The following USP42 variants were observed in gnomAD, a reference collection of about 807,000 sequenced individuals.
USP42 encodes the protein ubiquitin carboxyl-terminal hydrolase 42.
In USP42, 23 loss-of-function variants were observed where a neutral mutation model predicts 113.0. That is an observed-to-expected ratio of 0.20 (90% CI 0.15 to 0.29). The LOEUF is 0.29. USP42 is among the 10% of genes least tolerant of loss of function. The probability of loss-of-function intolerance (pLI) is 1.00; values close to 1 mark genes in which losing one functional copy is unlikely to be tolerated. For synonymous variants in USP42, 933 were observed against 699.0 expected (o/e 1.33, Z -5.28); for missense variants, 2,174 against 1,779.8 (o/e 1.22, Z -3.99).
At chr7:6,084,550 C>A in the USP42 span, 1 of 151,264 alleles carries the variant, frequency 6.6e-6, no homozygotes, top group Non-Finnish European at 1.5e-5. Context: ...GCTGAGTTAG[C>A]CACTAGGCAC....
the USP42 span, among the ~76,000 whole-genome samples, chr7:6,086,400 T>C: frequency 2.0e-5 from 3 of 150,532 alleles, no homozygotes; most frequent in Non-Finnish European, 2.9e-5. Flanking sequence ...AGAGATAGGA[T>C]TTCACCGTGT....
the USP42 span, among the ~76,000 whole-genome samples, chr7:6,096,565 C>A: frequency 6.6e-6 from 1 of 151,274 alleles, no homozygotes; most frequent in East Asian, 1.9e-4. Flanking sequence ...CTGTCAGGAG[C>A]TGGTTTAAAC....
intron 12 of USP42, 109 bp from the exon 13 acceptor site, chr7:6,149,474 C>A: frequency 7.8e-7 from 1 of 1,285,864 alleles, no homozygotes; most frequent in Non-Finnish European, 1.0e-6. Flanking sequence ...ACTTGTTAGT[C>A]CTGAAAAAAA....
At chr7:6,105,386 C>CCGGG (rs1779212695) in intron 1 of USP42, among the ~76,000 whole-genome samples, 2 of 149,308 alleles carry the variant, frequency 1.3e-5, no homozygotes, top group Non-Finnish European at 1.5e-5. Context: ...GGCCTGGGGG[C>CCGGG]CGGGCAGGCA....
chr7:6,108,466 C>G (rs1156985535), intron 1 of USP42, among the ~76,000 whole-genome samples: 2 of 152,054 alleles, frequency 1.3e-5, no homozygotes, highest in African/African-American at 2.4e-5. Flanking sequence ...ATGGGTAGTA[C>G]TTTTTTGTAC....
chr7:6,126,089 T>A (rs1353549885), intron 3 of USP42, among the ~76,000 whole-genome samples: 1 of 152,196 alleles, frequency 6.6e-6, no homozygotes, highest in South Asian at 2.1e-4. Context: ...GCCTTCCCCT[T>A]AACCTCTGGT....
In USP42 at chr7:6,139,835, G is replaced by A. The variant is rs933791520; in HGVS notation, c.657-293G>A. 26 of 472,210 alleles carry A rather than the reference G, an allele frequency of 5.5e-5. No individual in the cohort carries two copies. The highest frequency in any genetic ancestry group is 2.4e-4 in the African/African-American group (12 of 50,522). The allele number at this position is 472,210 out of a possible 1,614,324, so 29.3% of individuals were successfully genotyped here. A position where few individuals can be genotyped will look rare whatever the true frequency, so the allele number is the denominator to read the frequency against. ...TCCTCCCACACAGGCCGCAGTGCCC[G>A]GAGGCTGCCATCTTCCTGCTTCAGG... On this transcript the variant is annotated intron_variant, in intron 5 of 17. Transcript: ENST00000306177. The surrounding 1 kb of genome is among the most constrained non-coding windows in gnomAD (Gnocchi z 4.5).
upstream of USP42, among the ~76,000 whole-genome samples, chr7:6,100,522 G>T (rs956471643): frequency 2.0e-5 from 3 of 150,412 alleles, no homozygotes; most frequent in Non-Finnish European, 4.4e-5. Flanking sequence ...TAGAGACGGG[G>T]TTTCACCATG....
chr7:6,121,492 G>GT (rs1221269115), intron 3 of USP42, among the ~76,000 whole-genome samples: 6 of 151,900 alleles, frequency 3.9e-5, no homozygotes, highest in Non-Finnish European at 8.8e-5. Flanking sequence ...TGGCATTAGG[G>GT]TAATGTTGGC....
At chr7:6,127,565 G>C (rs1780606756) in intron 3 of USP42, among the ~76,000 whole-genome samples, 1 of 151,280 alleles carries the variant, frequency 6.6e-6, no homozygotes, top group Non-Finnish European at 1.5e-5. Context: ...TTGTATCTTT[G>C]TAATTAAAAA....
intron 3 of USP42, among the ~76,000 whole-genome samples, chr7:6,131,404 G>A (rs2128495275): frequency 1.3e-5 from 2 of 152,154 alleles, no homozygotes; most frequent in East Asian, 3.9e-4. Context: ...GCCTTGGGAG[G>A]TAGAGGCTGC....
chr7:6,155,967 C>T (rs1050762851), intron 15 of USP42, among the ~76,000 whole-genome samples: 3 of 152,260 alleles, frequency 2.0e-5, no homozygotes, highest in South Asian at 2.1e-4. Context: ...ATGCCGCGCA[C>T]GCTGTTCTCA....
rs1782301899 is a variant in USP42 at position 6,154,566 on chromosome 7, C to G, written c.3012C>G (p.Asp1004Glu). 6.4e-7 allele frequency: 1 copy of G among 1,555,920 alleles called. No individual in the cohort carries two copies. Among genetic ancestry groups the G allele is most frequent in the African/African-American group, 1.4e-5 (1 of 73,308 alleles). The change falls in exon 15 of 18, where the codon GAC becomes GAG. Residue 1004 changes from aspartate (D) to glutamate (E), a missense_variant. Asp to Glu is a conservative substitution (Grantham distance 45, BLOSUM62 2). Transcript: ENST00000306177. The part of the protein sequence containing the change: ...HAPEHHPGHG[D>E]RLSPGERRSL... ...CGGAGCACCACCCCGGCCACGGCGA[C>G]AGGCTCAGCCCTGGCGAGCGCCGCT...
upstream of USP42, among the ~76,000 whole-genome samples, chr7:6,100,004 C>CTATTATTATTATTATTATTAT (rs1554332997): frequency 8.3e-4 from 120 of 144,328 alleles, 5 homozygotes; most frequent in African/African-American, 3.0e-3. Context: ...TTTCACAAGT[C>CTATTATTATTATTATTATTAT]TATTATTATT....
At chr7:6,150,791 C>CT (rs1781998734) in intron 14 of USP42, among the ~76,000 whole-genome samples, 1 of 152,206 alleles carries the variant, frequency 6.6e-6, no homozygotes, top group Middle Eastern at 3.2e-3. Flanking sequence ...GGCACGCCTT[C>CT]AAGTGCCATC....
At chr7:6,114,779 C>T (rs1337154263) in intron 2 of USP42, among the ~76,000 whole-genome samples, 3 of 144,034 alleles carry the variant, frequency 2.1e-5, no homozygotes, top group Non-Finnish European at 4.5e-5. Flanking sequence ...CAAGCTCTGC[C>T]TCCCGGGTTC....
chr7:6,136,924 C>T (rs981240306), intron 4 of USP42, among the ~76,000 whole-genome samples: 4 of 151,630 alleles, frequency 2.6e-5, no homozygotes, highest in Non-Finnish European at 5.9e-5. Context: ...CAGATGTGCA[C>T]CACTATGCCC....
intron 1 of USP42, among the ~76,000 whole-genome samples, chr7:6,105,494 C>T (rs1194763617): frequency 4.8e-5 from 7 of 145,652 alleles, no homozygotes; most frequent in Admixed American, 2.8e-4. Context: ...GTGGCTGCCA[C>T]CTCCCGCCCC....
At chr7:6,155,554 TCTTA>T (rs553715615) in intron 15 of USP42, among the ~76,000 whole-genome samples, 278 of 152,298 alleles carry the variant, frequency 1.8e-3, no homozygotes, top group African/African-American at 6.4e-3. Context: ...GTGTTAATAT[TCTTA>T]CTTGTCAGAT....
Sources: allele counts gnomAD v4.1 joint callset (sites outside exome capture counted in the v4.1 genomes callset), GRCh38; gene constraint gnomAD v4.1.1; non-coding constraint Gnocchi (gnomAD v3.1); transcripts MANE v1.5; gene names NCBI Gene and HGNC (gene_info 2026-07-23, HGNC 2026-07-21).